Variants in CNTLN observed in about 807,000 individuals in gnomAD.
The protein encoded by CNTLN is centlein, centrosomal protein.
CNTLN carries 212 observed loss-of-function variants against 180.0 expected under a neutral mutation model. The observed-to-expected ratio is 1.18, with a 90% CI of 1.05 to 1.32. The LOEUF (loss-of-function observed/expected upper bound fraction) is 1.32. CNTLN is among the 40% of genes most tolerant of loss of function. The pLI, the probability that CNTLN is intolerant of heterozygous loss-of-function variation, is 0.00. For missense variants in CNTLN, 2,095 were observed against 1,610.9 expected (o/e 1.30, Z -5.14); for synonymous variants, 722 against 563.1 (o/e 1.28, Z -3.99).
At chr9:17,183,053 G>T (rs370393592) in intron 2 of CNTLN, among the ~76,000 whole-genome samples, 5 of 152,170 alleles carry the variant, frequency 3.3e-5, no homozygotes, top group African/African-American at 9.7e-5. Context: ...GATAGAATCT[G>T]TATTTACTAA....
chr9:17,394,897 A>G lies in CNTLN; in HGVS notation c.2443A>G (p.Arg815Gly). 1 of 1,614,122 alleles carries G rather than the reference A, an allele frequency of 6.2e-7. No individual in the cohort carries two copies. Among genetic ancestry groups the G allele is most frequent in the Non-Finnish European group, 8.5e-7 (1 of 1,179,984 alleles). Residue 815 changes from arginine to glycine, a missense_variant, in exon 15 of 26, where the codon AGA becomes GGA. Arg to Gly is a moderately radical substitution (Grantham distance 125, BLOSUM62 -2). Coordinates refer to ENST00000380647, the MANE Select transcript of CNTLN (RefSeq NM_017738.4). ...AKSEMATMKV[R>G]SGRYDCKTTM... ...ATCCGAGATGGCCACCATGAAAGTG[A>G]GATCTGGACGATATGATTGTAAGAC...
chr9:17,225,809 A>G (rs749042815), intron 2 of CNTLN, among the ~76,000 whole-genome samples: 6 of 152,038 alleles, frequency 3.9e-5, no homozygotes, highest in Non-Finnish European at 5.9e-5. Flanking sequence ...GGTATCGACT[A>G]TAAGTAAATC....
chr9:17,443,265 C>G (rs142218041), intron 18 of CNTLN, among the ~76,000 whole-genome samples: 197 of 152,262 alleles, frequency 1.3e-3, no homozygotes, highest in African/African-American at 4.5e-3. Flanking sequence ...TCCACAGAAT[C>G]TGAAGACAAA....
intron 13 of CNTLN, among the ~76,000 whole-genome samples, chr9:17,375,799 G>C (rs1564045640): frequency 6.6e-6 from 1 of 152,126 alleles, no homozygotes. Flanking sequence ...AATATGACCA[G>C]TAACGGGGAA....
chr9:17,524,773 T>A, the CNTLN span, among the ~76,000 whole-genome samples: 1 of 152,234 alleles, frequency 6.6e-6, no homozygotes, highest in African/African-American at 2.4e-5. Context: ...ATGTGTGCTT[T>A]AGGCATGTTT....
Position 17,155,404 on chromosome 9 carries a change from G to A in CNTLN, c.449+12028G>A, listed in dbSNP as rs188065388. Among the ~76,000 whole-genome samples the A allele has an allele frequency of 2.6e-5, 4 of 152,334 alleles. No individual in the cohort carries two copies. In the East Asian group the frequency reaches 7.7e-4, roughly 29 times the overall value. On this transcript the variant is annotated intron_variant, in intron 2 of 25. Coordinates refer to ENST00000380647, the MANE Select transcript of CNTLN (RefSeq NM_017738.4). ...CTCTTTAGAGCTGTCAGACAGGGAT[G>A]TTTAAGTCTGCTATAAGCCCCTGAC...
intron 5 of CNTLN, among the ~76,000 whole-genome samples, chr9:17,244,040 C>G (rs1587311325): frequency 6.6e-6 from 1 of 151,854 alleles, no homozygotes; most frequent in African/African-American, 2.4e-5. Context: ...CTGAATTGAC[C>G]TCTTTATCAT....
intron 15 of CNTLN, among the ~76,000 whole-genome samples, chr9:17,401,038 G>C (rs1451351291): frequency 6.6e-6 from 1 of 152,100 alleles, no homozygotes; most frequent in African/African-American, 2.4e-5. Flanking sequence ...TTGAAGTCCT[G>C]ATTCTTCTGT....
chr9:17,479,716 A>T (rs1726939635), intron 23 of CNTLN, among the ~76,000 whole-genome samples: 1 of 152,150 alleles, frequency 6.6e-6, no homozygotes, highest in African/African-American at 2.4e-5. Context: ...AGAAAAGAAA[A>T]ATTCATGAAG....
At chr9:17,438,125 G>C (rs1016400486) in intron 18 of CNTLN, among the ~76,000 whole-genome samples, 1 of 152,138 alleles carries the variant, frequency 6.6e-6, no homozygotes. Flanking sequence ...GCCAAGGCCT[G>C]ACCGTAGACC....
intron 6 of CNTLN, among the ~76,000 whole-genome samples, chr9:17,290,881 T>C (rs914455982): frequency 1.3e-5 from 2 of 152,168 alleles, no homozygotes; most frequent in African/African-American, 2.4e-5. Flanking sequence ...GCATGGTGCG[T>C]GCACCCACTG....
chr9:17,225,804 C>G (rs966092792), intron 2 of CNTLN, among the ~76,000 whole-genome samples: 1 of 151,780 alleles, frequency 6.6e-6, no homozygotes, highest in South Asian at 2.1e-4. Context: ...TATAGGGTAT[C>G]GACTATAAGT....
intron 8 of CNTLN, 60 bp downstream of exon 8, chr9:17,309,312 A>G (rs1316819529): frequency 2.3e-6 from 3 of 1,286,798 alleles, no homozygotes; most frequent in South Asian, 1.9e-5. Flanking sequence ...CATCTCCTAC[A>G]ATTGACTAAA....
At chr9:17,301,877 A>G (rs1818380968) in intron 7 of CNTLN, 1 of 953,906 alleles carries the variant, frequency 1.0e-6, no homozygotes, top group African/African-American at 1.8e-5. Context: ...ATGCATCTTA[A>G]CATATTTGTT....
At chr9:17,158,679 T>G (rs1230962278) in intron 2 of CNTLN, among the ~76,000 whole-genome samples, 1 of 152,058 alleles carries the variant, frequency 6.6e-6, no homozygotes, top group Non-Finnish European at 1.5e-5. Context: ...ATAGTATTCC[T>G]TACATTTTTA....
At position 17,493,749 on chromosome 9, in the gene CNTLN, C is replaced by T. The variant is rs1362049240; in HGVS notation, c.4119+6683C>T. The stretch of plus-strand genomic sequence containing the variant: ...TGCATTGTAAAATATCTAAGCCAAC[C>T]ACTCTTCCAGAGCATGAGCTCTGCC... On this transcript the variant is annotated intron_variant, in intron 25 of 25. Transcript: ENST00000380647. Among the ~76,000 whole-genome samples the T allele has an allele frequency of 3.3e-5, 5 of 152,190 alleles. No homozygotes were observed. In the East Asian group the frequency reaches 7.7e-4, roughly 23 times the overall value.
chr9:17,439,459 TCAA>T (rs1829981010), intron 18 of CNTLN, among the ~76,000 whole-genome samples: 1 of 152,000 alleles, frequency 6.6e-6, no homozygotes, highest in Non-Finnish European at 1.5e-5. Context: ...AACTAATGGG[TCAA>T]AGAAGAAAAC....
intron 6 of CNTLN, among the ~76,000 whole-genome samples, chr9:17,282,222 A>C (rs1434379023): frequency 6.6e-6 from 1 of 152,080 alleles, no homozygotes; most frequent in African/African-American, 2.4e-5. Context: ...CAGCCTCCCA[A>C]AGTGCTGGGA....
At chr9:17,204,017 T>C (rs1822742536) in intron 2 of CNTLN, among the ~76,000 whole-genome samples, 1 of 152,210 alleles carries the variant, frequency 6.6e-6, no homozygotes, top group African/African-American at 2.4e-5. Flanking sequence ...CATCAGGTCA[T>C]TTATGTTCCT....
Sources: gnomAD v4.1 joint callset for allele counts (sites outside exome capture counted in the v4.1 genomes callset) on GRCh38, gnomAD v4.1.1 for gene constraint, MANE v1.5 for transcripts, NCBI Gene and HGNC (gene_info 2026-07-23, HGNC 2026-07-21) for gene names.